Variants in ZNF804A observed in about 807,000 individuals in gnomAD.
ZNF804A encodes the protein zinc finger protein 804A.
Under a neutral mutation model 16.5 loss-of-function variants are expected in ZNF804A, and 2 were observed. The observed-to-expected ratio is 0.12, with a 90% CI of 0.05 to 0.38. The LOEUF is 0.38. ZNF804A is among the 10% of genes least tolerant of loss of function. The probability of loss-of-function intolerance (pLI) is 0.99; values close to 1 mark genes in which losing one functional copy is unlikely to be tolerated. For synonymous variants in ZNF804A, 534 were observed against 489.6 expected (o/e 1.09, Z -1.20); for missense variants, 1,473 against 1,390.7 (o/e 1.06, Z -0.94).
intron 2 of ZNF804A, among the ~76,000 whole-genome samples, chr2:184,909,096 C>G (rs987948738): frequency 6.6e-6 from 1 of 152,030 alleles, no homozygotes; most frequent in Non-Finnish European, 1.5e-5. Flanking sequence ...TTATGAACTG[C>G]TATTTTTTCA....
At chr2:184,759,409 A>G (rs989039136) in intron 1 of ZNF804A, among the ~76,000 whole-genome samples, 6 of 151,840 alleles carry the variant, frequency 4.0e-5, no homozygotes, top group Admixed American at 2.0e-4. Context: ...CTGTATTGAC[A>G]TTAGGAAAAA....
chr2:184,702,546 A>T (rs1168702755), intron 1 of ZNF804A, among the ~76,000 whole-genome samples: 1 of 152,040 alleles, frequency 6.6e-6, no homozygotes, highest in Non-Finnish European at 1.5e-5. Context: ...TTCTATATTT[A>T]TGATATCATC....
At chr2:184,677,244 CA>C (rs1473496435) in intron 1 of ZNF804A, among the ~76,000 whole-genome samples, 2 of 151,840 alleles carry the variant, frequency 1.3e-5, no homozygotes, top group Non-Finnish European at 2.9e-5. Context: ...ATATAATCAA[CA>C]ATACAATTTT....
intron 1 of ZNF804A, among the ~76,000 whole-genome samples, chr2:184,806,118 T>C (rs964019823): frequency 6.6e-6 from 1 of 151,924 alleles, no homozygotes; most frequent in African/African-American, 2.4e-5. Flanking sequence ...TTTTTTTGTA[T>C]CCATCACTAT....
intron 1 of ZNF804A, among the ~76,000 whole-genome samples, chr2:184,775,209 A>T (rs1228338382): frequency 6.6e-6 from 1 of 151,734 alleles, no homozygotes; most frequent in Non-Finnish European, 1.5e-5. Context: ...GTATTTAAGT[A>T]AACTTTTTAA....
At chr2:184,860,157 C>T (rs1574245288) in intron 1 of ZNF804A, among the ~76,000 whole-genome samples, 1 of 152,182 alleles carries the variant, frequency 6.6e-6, no homozygotes, top group Non-Finnish European at 1.5e-5. Context: ...GCCTTGGGTC[C>T]TCCGGAGTCC....
intron 1 of ZNF804A, among the ~76,000 whole-genome samples, chr2:184,726,708 C>T (rs1277317164): frequency 4.6e-5 from 7 of 151,500 alleles, no homozygotes. Flanking sequence ...TGCAACATGA[C>T]TCCAAGAATT....
chr2:184,882,996 A>G (rs1172190065), intron 2 of ZNF804A, among the ~76,000 whole-genome samples: 1 of 152,056 alleles, frequency 6.6e-6, no homozygotes, highest in Non-Finnish European at 1.5e-5. Flanking sequence ...CAAATCCACA[A>G]TTTGGTTTTT....
intron 1 of ZNF804A, among the ~76,000 whole-genome samples, chr2:184,792,318 T>C (rs1003041846): frequency 3.9e-5 from 6 of 152,182 alleles, no homozygotes; most frequent in Non-Finnish European, 8.8e-5. Context: ...CCAACATCGT[T>C]GTAAGAATTT....
chr2:184,931,443 C>T lies in ZNF804A; in HGVS notation c.256-2160C>T, dbSNP rs945321968. ...ATTGGGTGCAGCCACAGGCTCAACA[C>T]CATGTGTAAGCCACCAAGACTTCGG... On this transcript the variant is annotated intron_variant, in intron 2 of 3. Coordinates refer to ENST00000302277, the MANE Select transcript of ZNF804A (RefSeq NM_194250.2). 5.4e-4 allele frequency among the ~76,000 whole-genome samples: 83 copies of T among 152,340 alleles called. 1 individual carries two copies. The highest frequency in any genetic ancestry group is 1.9e-3 in the African/African-American group (79 of 41,586).
At chr2:184,920,884 G>C (rs755677595) in intron 2 of ZNF804A, among the ~76,000 whole-genome samples, 3 of 152,110 alleles carry the variant, frequency 2.0e-5, no homozygotes, top group Non-Finnish European at 4.4e-5. Flanking sequence ...CAATCCTCCC[G>C]ATGAAAATAC....
intron 1 of ZNF804A, among the ~76,000 whole-genome samples, chr2:184,829,901 AAAAAAAAAAAAAAAAAAAAAACAAAAAC>A (rs1315101584): frequency 2.5e-4 from 27 of 106,910 alleles, no homozygotes; most frequent in African/African-American, 1.1e-3. Flanking sequence ...GTCTCTACCA[AAAAAAAAAAAAAAAAAAAAAACAAAAAC>A]AAAAAAAAAA....
At chr2:184,656,928 C>G (rs551548863) in intron 1 of ZNF804A, among the ~76,000 whole-genome samples, 2 of 152,004 alleles carry the variant, frequency 1.3e-5, no homozygotes, top group Admixed American at 1.3e-4. Flanking sequence ...GGTAATGTAT[C>G]TGAGGTAAAG....
chr2:184,619,743 C>T (rs747242560), intron 1 of ZNF804A, among the ~76,000 whole-genome samples: 5 of 151,808 alleles, frequency 3.3e-5, no homozygotes, highest in Non-Finnish European at 5.9e-5. Context: ...AGGTTGTGAT[C>T]TCATCACAAC....
chr2:184,783,151 T>TG (rs1694398472), intron 1 of ZNF804A, among the ~76,000 whole-genome samples: 1 of 143,630 alleles, frequency 7.0e-6, no homozygotes, highest in South Asian at 2.3e-4. Flanking sequence ...TTTTTTTTTT[T>TG]TTTTTTTTTT....
At chr2:184,724,988 T>TA (rs1399944546) in intron 1 of ZNF804A, among the ~76,000 whole-genome samples, 6 of 151,774 alleles carry the variant, frequency 4.0e-5, no homozygotes, top group Non-Finnish European at 4.4e-5. Context: ...CAGGGTATTT[T>TA]AAAAATTAGT....
chr2:184,757,892 C>T (rs568730002), intron 1 of ZNF804A, among the ~76,000 whole-genome samples: 124 of 152,030 alleles, frequency 8.2e-4, no homozygotes, highest in African/African-American at 2.9e-3. Context: ...CAGTCTTTTC[C>T]TGTTTGGAGT....
In ZNF804A at chr2:184,889,495, A is replaced by G. The variant is rs553404763; in HGVS notation, c.255+22983A>G. Among the ~76,000 whole-genome samples the G allele has an allele frequency of 8.9e-4, 136 of 151,982 alleles. 1 individual carries two copies. The highest frequency in any genetic ancestry group is 1.5e-3 in the Non-Finnish European group (99 of 67,904). Reference sequence around the variant, plus strand: ...GAAATTTAATTACTAGTATAAAAATAACACTTGCCTGCATGTTCTGCACAT... The same window carrying G: ...GAAATTTAATTACTAGTATAAAAATGACACTTGCCTGCATGTTCTGCACAT... On this transcript the variant is annotated intron_variant, in intron 2 of 3. Coordinates refer to ENST00000302277, the MANE Select transcript of ZNF804A (RefSeq NM_194250.2).
At chr2:184,620,063 T>G (rs577539992) in intron 1 of ZNF804A, among the ~76,000 whole-genome samples, 3 of 151,900 alleles carry the variant, frequency 2.0e-5, no homozygotes, top group Admixed American at 6.6e-5. Flanking sequence ...TGATATCAGA[T>G]TATGAATAAT....
Sources: gnomAD v4.1 joint callset for allele counts (sites outside exome capture counted in the v4.1 genomes callset) on GRCh38, gnomAD v4.1.1 for gene constraint, MANE v1.5 for transcripts, NCBI Gene and HGNC (gene_info 2026-07-23, HGNC 2026-07-21) for gene names.